The following ZCCHC24 variants were observed in gnomAD, a reference collection of about 807,000 sequenced individuals.
ZCCHC24 encodes the protein zinc finger CCHC domain-containing protein 24.
ZCCHC24 carries 10 observed loss-of-function variants against 26.2 expected under a neutral mutation model. The observed-to-expected ratio is 0.38, with a 90% CI of 0.24 to 0.65. ZCCHC24 has a LOEUF of 0.65. Ranked by LOEUF, ZCCHC24 falls within the 30% of genes least tolerant of loss-of-function variation. The pLI is 0.54. For missense variants in ZCCHC24, 243 were observed against 329.1 expected (o/e 0.74, Z 2.03); for synonymous variants, 144 against 147.1 (o/e 0.98, Z 0.15).
chr10:79,403,250 T>C (rs1856661920), intron 2 of ZCCHC24, among the ~76,000 whole-genome samples: 1 of 152,234 alleles, frequency 6.6e-6, no homozygotes, highest in South Asian at 2.1e-4. Flanking sequence ...AAATTATCTC[T>C]GATCACTGCC....
At chr10:79,415,691 CAA>C (rs1856850138) in intron 2 of ZCCHC24, among the ~76,000 whole-genome samples, 1 of 152,146 alleles carries the variant, frequency 6.6e-6, no homozygotes, top group Non-Finnish European at 1.5e-5. Context: ...GCTGCACTCC[CAA>C]CAAATGGTCT....
chr10:79,399,983 C>T (rs1317259951), intron 2 of ZCCHC24, among the ~76,000 whole-genome samples: 1 of 152,176 alleles, frequency 6.6e-6, no homozygotes, highest in Non-Finnish European at 1.5e-5. Context: ...GGCCTTTGCC[C>T]TGGTCAGGCA....
chr10:79,432,760 T>C lies in ZCCHC24; in HGVS notation c.247-2A>G. 6.2e-7 allele frequency: 1 copy of C among 1,607,468 alleles called. No individual in the cohort carries two copies. The highest frequency in any genetic ancestry group is 8.5e-7 in the Non-Finnish European group (1 of 1,177,644). ...CTTGTACACACTGTTGCTCAGCGCCTGTGGGAGACAGAGGCACATATACTA... is the reference window on the plus strand; with the variant it reads ...CTTGTACACACTGTTGCTCAGCGCCCGTGGGAGACAGAGGCACATATACTA... On this transcript the variant is annotated splice_acceptor_variant, in intron 1 of 3. Coordinates refer to ENST00000372336, the MANE Select transcript of ZCCHC24 (RefSeq NM_153367.4). LOFTEE classifies it high-confidence loss of function.
chr10:79,437,205 G>A (rs898067844), intron 1 of ZCCHC24, among the ~76,000 whole-genome samples: 2 of 151,360 alleles, frequency 1.3e-5, no homozygotes, highest in Non-Finnish European at 2.9e-5. Flanking sequence ...ATGGCACCAC[G>A]GCTGGCTGAT....
chr10:79,404,119 G>A (rs1261994129), intron 2 of ZCCHC24, among the ~76,000 whole-genome samples: 6 of 152,086 alleles, frequency 3.9e-5, no homozygotes, highest in East Asian at 3.9e-4. Flanking sequence ...AGAGACATTC[G>A]GGGGAACGGG....
intron 1 of ZCCHC24, among the ~76,000 whole-genome samples, chr10:79,437,701 C>T (rs1857234381): frequency 6.6e-6 from 1 of 152,244 alleles, no homozygotes; most frequent in African/African-American, 2.4e-5. Context: ...ACCAGTGTCT[C>T]TGCGCTGCAT....
intron 1 of ZCCHC24, among the ~76,000 whole-genome samples, chr10:79,438,394 C>G (rs75731647): frequency 6.6e-6 from 1 of 152,164 alleles, no homozygotes. Flanking sequence ...GGACACCAGC[C>G]GGTCTCAGGG....
At chr10:79,419,255 C>T (rs925421855) in intron 2 of ZCCHC24, among the ~76,000 whole-genome samples, 3 of 152,238 alleles carry the variant, frequency 2.0e-5, no homozygotes, top group African/African-American at 7.2e-5. Flanking sequence ...GTGATACCAA[C>T]AGTGAGGGCT....
At chr10:79,416,414 A>G (rs1339753141) in intron 2 of ZCCHC24, among the ~76,000 whole-genome samples, 1 of 152,192 alleles carries the variant, frequency 6.6e-6, no homozygotes, top group Non-Finnish European at 1.5e-5. Context: ...TATGTGGTCC[A>G]AGGCTGCTGG....
chr10:79,402,285 C>CT lies in ZCCHC24; in HGVS notation c.448-7846dup, dbSNP rs1465161458. Among the ~76,000 whole-genome samples the CT allele has an allele frequency of 1.2e-3, 189 of 151,484 alleles. 1 individual carries two copies. Among genetic ancestry groups the CT allele is most frequent in the African/African-American group, 4.3e-3 (178 of 41,342 alleles). On this transcript the variant is annotated intron_variant, in intron 2 of 3. Coordinates refer to ENST00000372336, the MANE Select transcript of ZCCHC24 (RefSeq NM_153367.4). ...TGGTTTTTCTTTTTTTTTCTTTTTT[C>CT]TTTTTTTTGAGACGGAGTCTCGCTC...
In ZCCHC24 at chr10:79,445,553, G is replaced by C. The variant is rs1313437066; in HGVS notation, c.-113C>G. 4 of 981,640 alleles carry C rather than the reference G, an allele frequency of 4.1e-6. No individual in the cohort carries two copies. The highest frequency in any genetic ancestry group is 8.6e-5 in the East Asian group (2 of 23,228). 60.8% of individuals were successfully genotyped at this position (981,640 alleles called of 1,614,324 possible). A position where few individuals can be genotyped will look rare whatever the true frequency, so the allele number is the denominator to read the frequency against. ...CACTGCCCGCCTCCCGAGCCCCGAC[G>C]GTGATCGCCCCGCGCCCTGCGCCCC... is the stretch of plus-strand genomic sequence containing the variant. On this transcript the variant is annotated 5_prime_UTR_variant, in exon 1 of 4. Transcript: ENST00000372336.
At chr10:79,423,580 A>ATTATATATATATTTTAT (rs1564638246) in intron 2 of ZCCHC24, among the ~76,000 whole-genome samples, 1 of 28,358 alleles carries the variant, frequency 3.5e-5, no homozygotes, top group South Asian at 1.2e-3. Flanking sequence ...AAATATATAT[A>ATTATATATATATTTTAT]CTATATATAT....
intron 1 of ZCCHC24, among the ~76,000 whole-genome samples, chr10:79,435,799 T>A (rs188059707): frequency 1.3e-5 from 2 of 152,314 alleles, no homozygotes; most frequent in African/African-American, 4.8e-5. Flanking sequence ...GGCAGTGAGC[T>A]GCTTCCTCTC....
intron 2 of ZCCHC24, among the ~76,000 whole-genome samples, chr10:79,411,710 C>T (rs998629327): frequency 1.3e-5 from 2 of 152,188 alleles, no homozygotes; most frequent in African/African-American, 4.8e-5. Context: ...GGGCCAAGCT[C>T]AGGCCTCCTG....
chr10:79,404,431 C>T (rs544022373), intron 2 of ZCCHC24, among the ~76,000 whole-genome samples: 7 of 152,214 alleles, frequency 4.6e-5, no homozygotes, highest in Non-Finnish European at 5.9e-5. Flanking sequence ...GAAGAGGGGC[C>T]GGTCCAGAGG....
In ZCCHC24 at chr10:79,386,021, G is replaced by T. The variant is rs1856386676; in HGVS notation, c.*324C>A. 1.9e-6 allele frequency: 1 copy of T among 514,288 alleles called. No individual in the cohort carries two copies. The highest frequency in any genetic ancestry group is 3.5e-6 in the Non-Finnish European group (1 of 287,052). 31.9% of individuals were successfully genotyped at this position (514,288 alleles called of 1,614,324 possible). A position where few individuals can be genotyped will look rare whatever the true frequency, so the allele number is the denominator to read the frequency against. On this transcript the variant is annotated 3_prime_UTR_variant, in exon 4 of 4. Coordinates refer to ENST00000372336, the MANE Select transcript of ZCCHC24 (RefSeq NM_153367.4). Reference sequence around the variant, plus strand: ...AATACAAGGCTGCTCACCCCAAAGAGGCTCTCAGAGGCGAGCCTGTGGGGA... The same window carrying T: ...AATACAAGGCTGCTCACCCCAAAGATGCTCTCAGAGGCGAGCCTGTGGGGA...
At chr10:79,438,419 C>T (rs1423422979) in intron 1 of ZCCHC24, among the ~76,000 whole-genome samples, 1 of 152,210 alleles carries the variant, frequency 6.6e-6, no homozygotes, top group African/African-American at 2.4e-5. Flanking sequence ...AAGGAGATAG[C>T]CCGTGGGCAA....
intron 2 of ZCCHC24, among the ~76,000 whole-genome samples, chr10:79,417,597 A>G (rs925617989): frequency 6.6e-6 from 1 of 152,238 alleles, no homozygotes; most frequent in Non-Finnish European, 1.5e-5. Flanking sequence ...CAAGTTATGT[A>G]ATCTGTTACA....
chr10:79,389,676 T>C (rs2093430), intron 3 of ZCCHC24, among the ~76,000 whole-genome samples: 130,335 of 151,992 alleles, frequency 0.86, 55,976 homozygotes, highest in East Asian at 0.93. Context: ...AGTGCAGTGA[T>C]GCTATCTCGG....
Sources: allele counts gnomAD v4.1 joint callset (sites outside exome capture counted in the v4.1 genomes callset), GRCh38; gene constraint gnomAD v4.1.1; transcripts MANE v1.5; gene names NCBI Gene and HGNC (gene_info 2026-07-23, HGNC 2026-07-21).